C16orf87: variants seen among roughly 807,000 people sequenced by gnomAD.
The protein encoded by C16orf87 is HDAC and MIER1 interacting protein 1.
A neutral mutation model predicts 21.0 loss-of-function variants in C16orf87; 13 were observed. The observed-to-expected ratio is 0.62, with a 90% CI of 0.40 to 0.98. The LOEUF is 0.98. Among genes scored for constraint, C16orf87 ranks in the 50% least tolerant of loss-of-function variants. The probability of loss-of-function intolerance (pLI) is 0.00; values close to 1 mark genes in which losing one functional copy is unlikely to be tolerated. For synonymous variants in C16orf87, 49 were observed against 60.2 expected (o/e 0.81, Z 0.86); for missense variants, 113 against 180.4 (o/e 0.63, Z 2.14).
chr16:46,810,901 T>C (rs1006837770), intron 2 of C16orf87, among the ~76,000 whole-genome samples: 5 of 152,148 alleles, frequency 3.3e-5, no homozygotes, highest in Admixed American at 6.5e-5. Flanking sequence ...CTGTAACAGA[T>C]TGAAATATAT....
intron 3 of C16orf87, among the ~76,000 whole-genome samples, chr16:46,804,359 T>C (rs1967861125): frequency 6.6e-6 from 1 of 152,182 alleles, no homozygotes; most frequent in South Asian, 2.1e-4. Context: ...CCAAAGATCC[T>C]TTCTTGGTTT....
intron 2 of C16orf87, among the ~76,000 whole-genome samples, chr16:46,818,548 T>C (rs1021518075): frequency 6.6e-6 from 1 of 152,198 alleles, no homozygotes; most frequent in African/African-American, 2.4e-5. Flanking sequence ...GCAATTATAA[T>C]TTCCTACTGT....
At position 46,802,849 on chromosome 16, in the gene C16orf87, G is replaced by T. The variant is rs1967816695; in HGVS notation, c.*103C>A. The T allele has an allele frequency of 2.9e-6, 2 of 679,120 alleles. No individual in the cohort carries two copies. Among genetic ancestry groups the T allele is most frequent in the Non-Finnish European group, 5.3e-6 (2 of 374,032 alleles). 42.1% of individuals were successfully genotyped at this position (679,120 alleles called of 1,614,324 possible). A position where few individuals can be genotyped will look rare whatever the true frequency, so the allele number is the denominator to read the frequency against. On this transcript the variant is annotated 3_prime_UTR_variant, in exon 4 of 4. Coordinates refer to ENST00000285697, the MANE Select transcript of C16orf87 (RefSeq NM_001001436.4). ...GACAGGCGAGAAAGAAACAATCGAT[G>T]GCCCTTATTGATGCAGTCAGAATGC... is the stretch of plus-strand genomic sequence containing the variant.
chr16:46,817,916 C>CAAAAAAAAAAAAAAAAAAAAAAAAAA (rs1056745014), intron 2 of C16orf87, among the ~76,000 whole-genome samples: 1 of 68,284 alleles, frequency 1.5e-5, no homozygotes, highest in Non-Finnish European at 2.6e-5. Flanking sequence ...CATCAAAAAG[C>CAAAAAAAAAAAAAAAAAAAAAAAAAA]AAAAAAAAAA....
At chr16:46,828,520 G>C (rs750787829) in intron 1 of C16orf87, among the ~76,000 whole-genome samples, 14 of 152,076 alleles carry the variant, frequency 9.2e-5, no homozygotes, top group Non-Finnish European at 2.1e-4. Context: ...AAAATGAAAA[G>C]GACTGTGGTT....
chr16:46,806,418 C>T (rs1292474319), intron 3 of C16orf87, among the ~76,000 whole-genome samples: 2 of 152,060 alleles, frequency 1.3e-5, no homozygotes, highest in Middle Eastern at 3.4e-3. Context: ...CCACCACGCC[C>T]GGCTAATTTT....
chr16:46,800,046 A>T lies in C16orf87; in HGVS notation c.*2906T>A, dbSNP rs1474659020. On this transcript the variant is annotated 3_prime_UTR_variant, in exon 4 of 4. Coordinates refer to ENST00000285697, the MANE Select transcript of C16orf87 (RefSeq NM_001001436.4). ...AATTAAATATTGCCAAGTCATTTTA[A>T]TGATCAGAATTAGAGAATCAAGTGC... 2.6e-5 allele frequency: 4 copies of T among 152,238 alleles called. No homozygotes were observed. The highest frequency in any genetic ancestry group is 5.9e-5 in the Non-Finnish European group (4 of 68,046). 9.4% of individuals were successfully genotyped at this position (152,238 alleles called of 1,614,324 possible).
rs1408364996 is a variant in C16orf87 at position 46,825,584 on chromosome 16, CTT to C, written c.67-1104_67-1103del. Among the ~76,000 whole-genome samples, 19 of 152,266 alleles carry C rather than the reference CTT, an allele frequency of 1.2e-4. No homozygotes were observed. In the East Asian group the frequency reaches 3.5e-3, roughly 28 times the overall value. ...CTTTTTGTTACAAACAATCTATACT[CTT>C]TTAGTTATTTTTAAATGTACAATTA... is the stretch of plus-strand genomic sequence containing the variant. On this transcript the variant is annotated intron_variant, in intron 1 of 3. Coordinates refer to ENST00000285697, the MANE Select transcript of C16orf87 (RefSeq NM_001001436.4).
intron 2 of C16orf87, 34 bp from the exon 3 acceptor site, chr16:46,809,819 G>C: frequency 7.0e-7 from 1 of 1,426,636 alleles, no homozygotes. Context: ...ATATTTTAGG[G>C]CTTAGCAAGA....
chr16:46,802,876 C>T lies in C16orf87; in HGVS notation c.*76G>A. On this transcript the variant is annotated 3_prime_UTR_variant, in exon 4 of 4. Coordinates refer to ENST00000285697, the MANE Select transcript of C16orf87 (RefSeq NM_001001436.4). Reference sequence around the variant, plus strand: ...CCCTTATTGATGCAGTCAGAATGCTCCTGAGAGTCCATAACTGTTTGAGAA... The same window carrying T: ...CCCTTATTGATGCAGTCAGAATGCTTCTGAGAGTCCATAACTGTTTGAGAA... 1 of 748,892 alleles carries T rather than the reference C, an allele frequency of 1.3e-6. No homozygotes were observed. Among genetic ancestry groups the T allele is most frequent in the Non-Finnish European group, 2.4e-6 (1 of 416,458 alleles). The allele number at this position is 748,892 out of a possible 1,614,324, so 46.4% of individuals were successfully genotyped here. A position where few individuals can be genotyped will look rare whatever the true frequency, so the allele number is the denominator to read the frequency against.
At chr16:46,811,906 T>C (rs942069824) in intron 2 of C16orf87, among the ~76,000 whole-genome samples, 3 of 152,106 alleles carry the variant, frequency 2.0e-5, no homozygotes, top group African/African-American at 7.2e-5. Context: ...CTGGGCCACA[T>C]AGCAAGACCC....
At position 46,801,734 on chromosome 16, in the gene C16orf87, T is replaced by C. The variant is rs1432141333; in HGVS notation, c.*1218A>G. On this transcript the variant is annotated 3_prime_UTR_variant, in exon 4 of 4. Transcript: ENST00000285697. ...GGGAGATGCAGGATGAAGTCTGAAATTGATAATGTTACGGCTAAAATTGAA... is the reference window on the plus strand; with the variant it reads ...GGGAGATGCAGGATGAAGTCTGAAACTGATAATGTTACGGCTAAAATTGAA... The C allele has an allele frequency of 2.6e-5, 4 of 152,148 alleles. No individual in the cohort carries two copies. In the South Asian group the frequency reaches 6.2e-4, roughly 24 times the overall value. 9.4% of individuals were successfully genotyped at this position (152,148 alleles called of 1,614,324 possible). A position where few individuals can be genotyped will look rare whatever the true frequency, so the allele number is the denominator to read the frequency against.
intron 3 of C16orf87, among the ~76,000 whole-genome samples, chr16:46,804,271 T>A (rs959767990): frequency 6.6e-6 from 1 of 152,236 alleles, no homozygotes; most frequent in African/African-American, 2.4e-5. Context: ...TGCAAAATTA[T>A]CATCTTGTGC....
At chr16:46,808,854 A>G (rs973742610) in intron 3 of C16orf87, among the ~76,000 whole-genome samples, 2 of 152,116 alleles carry the variant, frequency 1.3e-5, no homozygotes, top group Non-Finnish European at 2.9e-5. Flanking sequence ...CTCTGGACCA[A>G]GAAGAATTCA....
At position 46,802,845 on chromosome 16, in the gene C16orf87, C is replaced by A. The variant is rs1271513974; in HGVS notation, c.*107G>T. On this transcript the variant is annotated 3_prime_UTR_variant, in exon 4 of 4. Transcript: ENST00000285697. ...AAACGACAGGCGAGAAAGAAACAAT[C>A]GATGGCCCTTATTGATGCAGTCAGA... The A allele has an allele frequency of 2.1e-5, 14 of 674,892 alleles. No individual in the cohort carries two copies. The highest frequency in any genetic ancestry group is 5.4e-6 in the Non-Finnish European group (2 of 371,668). The allele number at this position is 674,892 out of a possible 1,614,324, so 41.8% of individuals were successfully genotyped here. A position where few individuals can be genotyped will look rare whatever the true frequency, so the allele number is the denominator to read the frequency against.
rs1967633690 is a variant in C16orf87 at position 46,797,209 on chromosome 16, T to C, written c.*5743A>G. The C allele has an allele frequency of 1.3e-5, 2 of 152,204 alleles. No homozygotes were observed. The highest frequency in any genetic ancestry group is 1.9e-4 in the East Asian group (1 of 5,204). The allele number at this position is 152,204 out of a possible 1,614,324, so 9.4% of individuals were successfully genotyped here. A position where few individuals can be genotyped will look rare whatever the true frequency, so the allele number is the denominator to read the frequency against. On this transcript the variant is annotated 3_prime_UTR_variant, in exon 4 of 4. Coordinates refer to ENST00000285697, the MANE Select transcript of C16orf87 (RefSeq NM_001001436.4). ...GAAAAGGACTGATACCTATGTAAAC[T>C]TGGAACATCAAGAATTAAGGAAGAT...
At position 46,800,569 on chromosome 16, in the gene C16orf87, T is replaced by C. The variant is rs973360092; in HGVS notation, c.*2383A>G. On this transcript the variant is annotated 3_prime_UTR_variant, in exon 4 of 4. Coordinates refer to ENST00000285697, the MANE Select transcript of C16orf87 (RefSeq NM_001001436.4). ...GTTATCTTCAACAGACCTAATCTAA[T>C]TGTGGAATCATTTCAAGGTATTTTG... is the stretch of plus-strand genomic sequence containing the variant. 6.6e-6 allele frequency: 1 copy of C among 152,184 alleles called. No individual in the cohort carries two copies. The highest frequency in any genetic ancestry group is 2.4e-5 in the African/African-American group (1 of 41,440). The allele number at this position is 152,184 out of a possible 1,614,324, so 9.4% of individuals were successfully genotyped here.
At chr16:46,830,756 C>G (rs902968557) in intron 1 of C16orf87, 6 of 238,040 alleles carry the variant, frequency 2.5e-5, no homozygotes, top group Non-Finnish European at 4.8e-5. Flanking sequence ...GCTCCCACCG[C>G]TGTCACCGCC....
intron 2 of C16orf87, among the ~76,000 whole-genome samples, chr16:46,821,257 A>G (rs1959403201): frequency 6.6e-6 from 1 of 152,222 alleles, no homozygotes; most frequent in Non-Finnish European, 1.5e-5. Flanking sequence ...TAAACAAACA[A>G]CAGTTGCTCA....
Sources: gnomAD v4.1 joint callset for allele counts (sites outside exome capture counted in the v4.1 genomes callset) on GRCh38, gnomAD v4.1.1 for gene constraint, MANE v1.5 for transcripts, NCBI Gene and HGNC (gene_info 2026-07-23, HGNC 2026-07-21) for gene names.